The following GPR89B variants were observed in gnomAD, a reference collection of about 807,000 sequenced individuals.
GPR89B encodes G protein-coupled receptor 89B.
GPR89B carries 25 observed loss-of-function variants against 52.4 expected under a neutral mutation model. The observed-to-expected ratio is 0.48, with a 90% CI of 0.35 to 0.67. The LOEUF (loss-of-function observed/expected upper bound fraction) is 0.67. Ranked by LOEUF, GPR89B falls within the 30% of genes least tolerant of loss-of-function variation. The pLI is 0.01. For missense variants in GPR89B, 146 were observed against 450.2 expected (o/e 0.32, Z 6.11); for synonymous variants, 52 against 151.2 (o/e 0.34, Z 4.81).
rs1333454201 is a variant in GPR89B, at chr1:147,989,595, C to T, written c.1095+1074C>T. On this transcript the variant is annotated intron_variant, in intron 12 of 13. Transcript: ENST00000314163. ...GTCCCTCCCCCCTTCCCCCACCCCA[C>T]GACAAGCCTCGGTGTGTGATGTTCC... is the stretch of plus-strand genomic sequence containing the variant. 5.3e-5 allele frequency among the ~76,000 whole-genome samples: 8 copies of T among 152,076 alleles called. No individual in the cohort carries two copies. In the South Asian group the frequency reaches 6.3e-4, roughly 12 times the overall value.
intron 1 of GPR89B, among the ~76,000 whole-genome samples, chr1:147,932,294 C>G (rs1653700557): frequency 1.3e-5 from 2 of 151,980 alleles, no homozygotes; most frequent in South Asian, 4.1e-4. Context: ...TCTGCTTGAT[C>G]TAGATGCTTG....
chr1:147,999,640 C>T, the GPR89B span, among the ~76,000 whole-genome samples: 1 of 150,528 alleles, frequency 6.6e-6, no homozygotes, highest in Non-Finnish European at 1.5e-5. Flanking sequence ...ATGTAATAGC[C>T]TTTCAAATTC....
the GPR89B span, among the ~76,000 whole-genome samples, chr1:148,015,461 C>T: frequency 2.7e-5 from 4 of 147,130 alleles, no homozygotes; most frequent in Non-Finnish European, 6.0e-5. Flanking sequence ...ATTATAGGCA[C>T]GCGCCACCAC....
chr1:147,932,927 A>G (rs1315411665), intron 1 of GPR89B, among the ~76,000 whole-genome samples: 1 of 152,140 alleles, frequency 6.6e-6, no homozygotes, highest in Non-Finnish European at 1.5e-5. Context: ...TCTGACACTT[A>G]CTATAAATTG....
intron 12 of GPR89B, among the ~76,000 whole-genome samples, chr1:147,992,030 G>A (rs1318143005): frequency 4.6e-5 from 7 of 151,840 alleles, no homozygotes; most frequent in Non-Finnish European, 8.8e-5. Flanking sequence ...AAGACTTCAC[G>A]GAGGTGGAAA....
intron 5 of GPR89B, among the ~76,000 whole-genome samples, chr1:147,945,757 C>T (rs587729900): frequency 6.6e-6 from 1 of 150,820 alleles, no homozygotes; most frequent in South Asian, 2.1e-4. Context: ...AGACAGGTCT[C>T]ACTCTCACCC....
chr1:147,995,533 T>C (rs1361763588), downstream of GPR89B: 16 of 1,548,968 alleles, frequency 1.0e-5, no homozygotes, highest in Non-Finnish European at 1.1e-5. Context: ...TTAAATATAC[T>C]CATAGGGACT....
chr1:147,951,452 A>G (rs1338262104), intron 5 of GPR89B, among the ~76,000 whole-genome samples: 1 of 152,064 alleles, frequency 6.6e-6, no homozygotes, highest in Non-Finnish European at 1.5e-5. Flanking sequence ...AAAAAGTGAC[A>G]ATAACTATAA....
At chr1:147,968,757 T>G in intron 8 of GPR89B, 118 bp from the exon 9 acceptor site, 1 of 1,526,862 alleles carries the variant, frequency 6.5e-7, no homozygotes, top group Non-Finnish European at 9.1e-7. Context: ...AAACAGGAAA[T>G]TGAGAATATA....
intron 5 of GPR89B, among the ~76,000 whole-genome samples, chr1:147,949,367 C>T (rs1263394056): frequency 3.6e-5 from 5 of 138,578 alleles, no homozygotes; most frequent in Non-Finnish European, 6.2e-5. Context: ...CCTCCCAGAC[C>T]GGGTGGCTGG....
chr1:147,997,248 A>C (rs1265913797), downstream of GPR89B, among the ~76,000 whole-genome samples: 1 of 152,158 alleles, frequency 6.6e-6, no homozygotes, highest in Non-Finnish European at 1.5e-5. Flanking sequence ...TTTAGATGCC[A>C]ACTTGACTGG....
At chr1:148,003,259 T>G in the GPR89B span, among the ~76,000 whole-genome samples, 1 of 152,188 alleles carries the variant, frequency 6.6e-6, no homozygotes, top group Non-Finnish European at 1.5e-5. Flanking sequence ...TGTATTTACC[T>G]TCCCTGAAAG....
At chr1:147,998,874 C>CT in the GPR89B span, among the ~76,000 whole-genome samples, 5 of 122,976 alleles carry the variant, frequency 4.1e-5, no homozygotes, top group Non-Finnish European at 1.6e-5. Flanking sequence ...GCGGGAGACT[C>CT]TGTCTCAAAA....
At chr1:148,021,241 G>A in the GPR89B span, among the ~76,000 whole-genome samples, 2 of 151,226 alleles carry the variant, frequency 1.3e-5, no homozygotes, top group Admixed American at 6.6e-5. Flanking sequence ...GGTGGCTCAC[G>A]CCTGTAATCC....
chr1:147,952,799 T>G (rs1655821126), intron 5 of GPR89B, among the ~76,000 whole-genome samples: 1 of 151,068 alleles, frequency 6.6e-6, no homozygotes, highest in South Asian at 2.1e-4. Context: ...AATCCGAAAC[T>G]GATGTGTTTG....
rs2149036918 is a variant in GPR89B, at chr1:147,936,704, T to C, written c.102+18T>C. 1 of 1,599,326 alleles carries C rather than the reference T, an allele frequency of 6.3e-7. No homozygotes were observed. The highest frequency in any genetic ancestry group is 8.6e-7 in the Non-Finnish European group (1 of 1,169,252). ...ACTATGAGGTGAGAAGAAATCATTT[T>C]GTCATACTTACACTATATGAATTTA... On this transcript the variant is annotated intron_variant, in intron 2 of 13. Coordinates refer to ENST00000314163, the MANE Select transcript of GPR89B (RefSeq NM_016334.5).
At chr1:147,947,778 CAACA>C (rs1655105722) in intron 5 of GPR89B, among the ~76,000 whole-genome samples, 1 of 151,764 alleles carries the variant, frequency 6.6e-6, no homozygotes, top group Admixed American at 6.6e-5. Flanking sequence ...ATATTATAGT[CAACA>C]AACATTTGTT....
At chr1:147,930,837 C>G (rs1458662095) in intron 1 of GPR89B, among the ~76,000 whole-genome samples, 1 of 152,100 alleles carries the variant, frequency 6.6e-6, no homozygotes, top group Middle Eastern at 3.2e-3. Context: ...TTTTAGTTCC[C>G]TAACCTGGCC....
intron 9 of GPR89B, 92 bp from the exon 10 acceptor site, chr1:147,969,775 C>A (rs1434456780): frequency 7.2e-6 from 11 of 1,518,502 alleles, no homozygotes; most frequent in Non-Finnish European, 9.7e-6. Flanking sequence ...TTTGACTGAA[C>A]CTGAACAGTG....
Sources: gnomAD v4.1 joint callset for allele counts (sites outside exome capture counted in the v4.1 genomes callset) on GRCh38, gnomAD v4.1.1 for gene constraint, MANE v1.5 for transcripts, NCBI Gene and HGNC (gene_info 2026-07-23, HGNC 2026-07-21) for gene names.